The following STK4 variants were observed in gnomAD, a reference collection of about 807,000 sequenced individuals.
The protein encoded by STK4 is serine/threonine-protein kinase 4.
Under a neutral mutation model 64.9 loss-of-function variants are expected in STK4, and 30 were observed. The ratio of observed to expected loss-of-function variants is 0.46; its 90% CI spans 0.35 to 0.63. The LOEUF (loss-of-function observed/expected upper bound fraction) is 0.63. Among genes scored for constraint, STK4 ranks in the 20% least tolerant of loss-of-function variants. The pLI is 0.01. For missense variants in STK4, 466 were observed against 598.5 expected (o/e 0.78, Z 2.31); for synonymous variants, 177 against 199.0 (o/e 0.89, Z 0.93).
At chr20:45,031,136 A>C (rs2068435408) in intron 10 of STK4, among the ~76,000 whole-genome samples, 1 of 152,248 alleles carries the variant, frequency 6.6e-6, no homozygotes, top group Non-Finnish European at 1.5e-5. Context: ...ACATTAAGCC[A>C]GTACCCTAGT....
chr20:45,041,577 T>C (rs2068614286), intron 10 of STK4, among the ~76,000 whole-genome samples: 1 of 152,240 alleles, frequency 6.6e-6, no homozygotes, highest in Admixed American at 6.6e-5. Context: ...GATTGCTTCA[T>C]AAACCTATTC....
intron 10 of STK4, among the ~76,000 whole-genome samples, chr20:45,044,150 C>T (rs181645599): frequency 7.2e-5 from 11 of 152,320 alleles, no homozygotes; most frequent in Admixed American, 7.2e-4. Context: ...TTTCTACCCA[C>T]CTCTCAAATC....
intron 10 of STK4, among the ~76,000 whole-genome samples, chr20:45,040,306 G>T (rs1345554518): frequency 1.3e-5 from 2 of 151,920 alleles, no homozygotes; most frequent in African/African-American, 4.8e-5. Context: ...GACAGAATAT[G>T]CACTTGATTT....
At chr20:45,014,684 A>G (rs142320451) in intron 9 of STK4, among the ~76,000 whole-genome samples, 1 of 152,252 alleles carries the variant, frequency 6.6e-6, no homozygotes, top group Non-Finnish European at 1.5e-5. Flanking sequence ...ACTTGCAGTA[A>G]CATGTACTCA....
At chr20:44,988,533 G>GTGTGTGTGTATATA (rs1221720136) in intron 5 of STK4, among the ~76,000 whole-genome samples, 42 of 101,576 alleles carry the variant, frequency 4.1e-4, no homozygotes, top group African/African-American at 1.9e-3. Context: ...ATGTGTGTGT[G>GTGTGTGTGTATATA]TATATATATA....
intron 10 of STK4, among the ~76,000 whole-genome samples, chr20:45,069,476 G>A (rs1276694510): frequency 1.5e-4 from 23 of 152,188 alleles, no homozygotes; most frequent in Non-Finnish European, 2.9e-5. Context: ...AGTTTAAATG[G>A]ACATGCCTTT....
At chr20:45,016,625 A>T (rs2068147490) in intron 9 of STK4, among the ~76,000 whole-genome samples, 1 of 152,226 alleles carries the variant, frequency 6.6e-6, no homozygotes, top group Non-Finnish European at 1.5e-5. Flanking sequence ...TGATGCCTGA[A>T]AATTCATTCA....
intron 9 of STK4, among the ~76,000 whole-genome samples, chr20:45,011,661 A>G (rs2068045068): frequency 6.9e-6 from 1 of 145,386 alleles, no homozygotes; most frequent in Non-Finnish European, 1.5e-5. Flanking sequence ...TAAAAAACCT[A>G]ATAATTCTTG....
intron 10 of STK4, among the ~76,000 whole-genome samples, chr20:45,064,244 C>A (rs765107888): frequency 4.6e-5 from 7 of 152,146 alleles, no homozygotes; most frequent in Non-Finnish European, 7.3e-5. Context: ...AGGTATACAG[C>A]CTTATTTCTA....
At chr20:44,996,254 T>G (rs1174336296) in intron 6 of STK4, among the ~76,000 whole-genome samples, 2 of 152,136 alleles carry the variant, frequency 1.3e-5, no homozygotes. Flanking sequence ...CCAGTGAAGC[T>G]CTTCCAGTGC....
intron 9 of STK4, among the ~76,000 whole-genome samples, chr20:45,002,444 G>A (rs1201003907): frequency 1.3e-5 from 2 of 152,246 alleles, no homozygotes; most frequent in African/African-American, 4.8e-5. Flanking sequence ...TAATCATGAA[G>A]AGAACTGTTT....
chr20:44,968,638 G>A (rs1187992211), intron 1 of STK4, among the ~76,000 whole-genome samples: 2 of 152,180 alleles, frequency 1.3e-5, no homozygotes, highest in Non-Finnish European at 2.9e-5. Flanking sequence ...AAGAGGATTA[G>A]GAATCTGAGT....
intron 7 of STK4, among the ~76,000 whole-genome samples, chr20:44,998,248 AT>A (rs2067770838): frequency 6.6e-6 from 1 of 152,154 alleles, no homozygotes; most frequent in Non-Finnish European, 1.5e-5. Flanking sequence ...TCCTGGTCAG[AT>A]TGCCCAGGTT....
intron 2 of STK4, among the ~76,000 whole-genome samples, chr20:44,976,503 G>A (rs538098981): frequency 6.6e-6 from 1 of 152,118 alleles, no homozygotes; most frequent in South Asian, 2.1e-4. Flanking sequence ...AAAACTATGG[G>A]GAGATTACCC....
intron 1 of STK4, among the ~76,000 whole-genome samples, chr20:44,969,848 A>G (rs1205017444): frequency 1.3e-5 from 2 of 152,240 alleles, no homozygotes; most frequent in African/African-American, 4.8e-5. Context: ...ATTATGAATC[A>G]CTTATCAAAA....
chr20:45,011,721 ATATATATATT>A (rs2068048080), intron 9 of STK4, among the ~76,000 whole-genome samples: 1 of 105,494 alleles, frequency 9.5e-6, no homozygotes, highest in Non-Finnish European at 2.0e-5. Context: ...ATATATATAT[ATATATATATT>A]TTTTTTTTTT....
rs113148879 is a variant in STK4, at chr20:45,026,318, A to AGTGTGTGTGTGTGT, written c.1305+1206_1305+1219dup. 8.5e-3 allele frequency among the ~76,000 whole-genome samples: 1,239 copies of AGTGTGTGTGTGTGT among 145,786 alleles called. 7 individuals carry two copies. Among genetic ancestry groups the AGTGTGTGTGTGTGT allele is most frequent in the African/African-American group, 0.02 (772 of 39,484 alleles). ...AAAAGGGAGGTTAGGAGACAGAAAGAGTGTGTGTGTGTGTGTGTGTGTGTG... is the reference window on the plus strand; with the variant it reads ...AAAAGGGAGGTTAGGAGACAGAAAGAGTGTGTGTGTGTGTGTGTGTGTGTGTGTGTGTGTGTGTG... On this transcript the variant is annotated intron_variant, in intron 10 of 10. Transcript: ENST00000372806.
intron 10 of STK4, among the ~76,000 whole-genome samples, chr20:45,027,430 CAAAAAAAA>C (rs35208496): frequency 5.0e-5 from 4 of 79,412 alleles, no homozygotes; most frequent in Non-Finnish European, 1.0e-4. Flanking sequence ...AACTCCGTCT[CAAAAAAAA>C]AAAAAAAAAA....
chr20:45,042,089 A>G (rs2068622753), intron 10 of STK4, among the ~76,000 whole-genome samples: 2 of 152,190 alleles, frequency 1.3e-5, no homozygotes, highest in Non-Finnish European at 1.5e-5. Flanking sequence ...TTAAAATGTA[A>G]ATTAGCTATT....
Sources: allele counts gnomAD v4.1 joint callset (sites outside exome capture counted in the v4.1 genomes callset), GRCh38; gene constraint gnomAD v4.1.1; transcripts MANE v1.5; gene names NCBI Gene and HGNC (gene_info 2026-07-23, HGNC 2026-07-21).